WDFY2: variants seen among roughly 807,000 people sequenced by gnomAD.
The protein encoded by WDFY2 is WD repeat and FYVE domain-containing protein 2.
A neutral mutation model predicts 56.4 loss-of-function variants in WDFY2; 36 were observed. That is an observed-to-expected ratio of 0.64 (90% confidence interval 0.49 to 0.84). WDFY2 has a LOEUF of 0.84. Ranked by LOEUF, WDFY2 falls within the 40% of genes least tolerant of loss-of-function variation. The pLI is 0.00. For synonymous variants in WDFY2, 176 were observed against 183.7 expected, an observed-to-expected ratio of 0.96 and a Z score of 0.34; for missense variants, 444 against 512.2, an observed-to-expected ratio of 0.87 and a Z score of 1.29.
chr13:51,682,540 C>T (rs555172482), intron 3 of WDFY2, among the ~76,000 whole-genome samples: 21 of 152,162 alleles, frequency 1.4e-4, no homozygotes, highest in Admixed American at 9.8e-4. Flanking sequence ...CAAAGAGGTT[C>T]GGAGCACAAG....
At chr13:51,740,937 C>A (rs534834480) in intron 7 of WDFY2, among the ~76,000 whole-genome samples, 1 of 152,292 alleles carries the variant, frequency 6.6e-6, no homozygotes, top group South Asian at 2.1e-4. Flanking sequence ...ATTTCATGCA[C>A]CAGATGCTGA....
chr13:51,596,806 T>G (rs1954160049), intron 1 of WDFY2, among the ~76,000 whole-genome samples: 1 of 152,220 alleles, frequency 6.6e-6, no homozygotes, highest in Non-Finnish European at 1.5e-5. Flanking sequence ...TGCTTGGCCT[T>G]TTAATTATTT....
rs540888011 is a variant in WDFY2, at chr13:51,712,185, A to T, written c.335-7013A>T. Among the ~76,000 whole-genome samples the T allele has an allele frequency of 3.3e-4, 50 of 152,308 alleles. No homozygotes were observed. The South Asian group carries it at 9.5e-3, about 29-fold the overall frequency. ...AGCTGGAAACCATCATTCTGAGCAA[A>T]CTATTGCAAGGACAGAAAACCAAGC... On this transcript the variant is annotated intron_variant, in intron 4 of 11. Transcript: ENST00000298125.
At chr13:51,664,193 C>T (rs566858129) in intron 2 of WDFY2, among the ~76,000 whole-genome samples, 1 of 152,226 alleles carries the variant, frequency 6.6e-6, no homozygotes, top group African/African-American at 2.4e-5. Flanking sequence ...GAAGAGCAGA[C>T]GCATCATGGT....
chr13:51,658,247 T>TA (rs1955546568), intron 1 of WDFY2, among the ~76,000 whole-genome samples: 1 of 152,226 alleles, frequency 6.6e-6, no homozygotes, highest in Non-Finnish European at 1.5e-5. Flanking sequence ...CTGTTATGTC[T>TA]AAAGTCAGCC....
At chr13:51,611,997 C>T (rs1177402815) in intron 1 of WDFY2, among the ~76,000 whole-genome samples, 1 of 152,134 alleles carries the variant, frequency 6.6e-6, no homozygotes, top group Non-Finnish European at 1.5e-5. Context: ...AGCCAGCCGT[C>T]AAATGAACCA....
chr13:51,618,894 T>C (rs1163459011), intron 1 of WDFY2, among the ~76,000 whole-genome samples: 4 of 152,216 alleles, frequency 2.6e-5, no homozygotes, highest in African/African-American at 9.7e-5. Context: ...GAAGAGAGAA[T>C]GGGCAGTACC....
intron 3 of WDFY2, among the ~76,000 whole-genome samples, chr13:51,696,000 C>G (rs960591650): frequency 7.2e-5 from 11 of 152,250 alleles, no homozygotes; most frequent in Non-Finnish European, 1.6e-4. Flanking sequence ...ATATAATCTC[C>G]TGGTGGGCCG....
chr13:51,662,379 T>C (rs1464557701), intron 2 of WDFY2, among the ~76,000 whole-genome samples: 1 of 152,132 alleles, frequency 6.6e-6, no homozygotes. Context: ...ATCCAGCAAG[T>C]TGAAGTTGGC....
In WDFY2 at chr13:51,584,537, A is replaced by G; in HGVS notation, c.-151A>G. On this transcript the variant is annotated 5_prime_UTR_variant, in exon 1 of 12. Coordinates refer to ENST00000298125, the MANE Select transcript of WDFY2 (RefSeq NM_052950.4). ...CAGGGAGCGCGGAGTCGTTCCCGAG[A>G]GAGGCGGCCAGGCTATGCTCGCCGG... 1 of 1,105,502 alleles carries G rather than the reference A, an allele frequency of 9.0e-7. No homozygotes were observed. The allele number at this position is 1,105,502 out of a possible 1,614,324, so 68.5% of individuals were successfully genotyped here. A position where few individuals can be genotyped will look rare whatever the true frequency, so the allele number is the denominator to read the frequency against.
chr13:51,627,893 G>A (rs1170393157), intron 1 of WDFY2, among the ~76,000 whole-genome samples: 1 of 152,176 alleles, frequency 6.6e-6, no homozygotes, highest in African/African-American at 2.4e-5. Flanking sequence ...CAGGCAGGTG[G>A]TCCAGTCATC....
intron 4 of WDFY2, among the ~76,000 whole-genome samples, chr13:51,715,658 T>G (rs1376654022): frequency 1.3e-5 from 2 of 152,212 alleles, no homozygotes; most frequent in African/African-American, 4.8e-5. Context: ...AATACTGATT[T>G]TAAAAGCATA....
chr13:51,599,415 C>A, intron 1 of WDFY2: 1 of 156,436 alleles, frequency 6.4e-6, no homozygotes. Flanking sequence ...AAGCGCATGG[C>A]ACAGTAAAGC....
At chr13:51,755,834 G>A (rs1953363499) in intron 9 of WDFY2, among the ~76,000 whole-genome samples, 1 of 152,076 alleles carries the variant, frequency 6.6e-6, no homozygotes, top group Admixed American at 6.5e-5. Flanking sequence ...TAGTTATTTA[G>A]ATCTACTTAT....
In WDFY2 at chr13:51,672,884, G is replaced by A. The variant is rs937213678; in HGVS notation, c.206-2286G>A. On this transcript the variant is annotated intron_variant, in intron 2 of 11. Coordinates refer to ENST00000298125, the MANE Select transcript of WDFY2 (RefSeq NM_052950.4). ...ATGTATAGCAGAGCTACTGATTTGT[G>A]TGCATTAATTTTGTATTCTGAAAAT... Among the ~76,000 whole-genome samples, 39 of 152,182 alleles carry A rather than the reference G, an allele frequency of 2.6e-4. 1 individual carries two copies. Among genetic ancestry groups the A allele is most frequent in the African/African-American group, 7.5e-4 (31 of 41,438 alleles).
intron 1 of WDFY2, among the ~76,000 whole-genome samples, chr13:51,653,124 A>G (rs1955431796): frequency 6.6e-6 from 1 of 152,080 alleles, no homozygotes; most frequent in Admixed American, 6.5e-5. Flanking sequence ...TTTTTTCTCT[A>G]AACTGCTCTT....
At chr13:51,723,241 T>C (rs767448844) in intron 5 of WDFY2, among the ~76,000 whole-genome samples, 5 of 152,242 alleles carry the variant, frequency 3.3e-5, no homozygotes, top group Non-Finnish European at 7.3e-5. Flanking sequence ...ATTGAAAATA[T>C]ATGGGTTACT....
chr13:51,723,872 A>G (rs1031961197), intron 5 of WDFY2, among the ~76,000 whole-genome samples: 1 of 152,284 alleles, frequency 6.6e-6, no homozygotes, highest in South Asian at 2.1e-4. Context: ...TTCTAATCCT[A>G]TCATATTTTT....
rs1477228186 is a variant in WDFY2 at position 51,763,495 on chromosome 13, A to AGAT, written c.*3727_*3729dup. The AGAT allele has an allele frequency of 2.0e-5, 3 of 152,154 alleles. No individual in the cohort carries two copies. The highest frequency in any genetic ancestry group is 1.3e-4 in the Admixed American group (2 of 15,268). The allele number at this position is 152,154 out of a possible 1,614,324, so 9.4% of individuals were successfully genotyped here. A position where few individuals can be genotyped will look rare whatever the true frequency, so the allele number is the denominator to read the frequency against. Reference sequence around the variant, plus strand: ...TGGAATATCACATTTTCATTTTCTGAGATTCATTTTATAAAAGTAAAGGCC... The same window carrying AGAT: ...TGGAATATCACATTTTCATTTTCTGAGATGATTCATTTTATAAAAGTAAAGGCC... On this transcript the variant is annotated 3_prime_UTR_variant, in exon 12 of 12. Transcript: ENST00000298125.
Sources: allele counts gnomAD v4.1 joint callset (sites outside exome capture counted in the v4.1 genomes callset), GRCh38; gene constraint gnomAD v4.1.1; transcripts MANE v1.5; gene names NCBI Gene and HGNC (gene_info 2026-07-23, HGNC 2026-07-21).